Variants in CACFD1 observed in about 807,000 individuals in gnomAD.
CACFD1 encodes the protein calcium channel flower domain containing 1.
Under a neutral mutation model 21.3 loss-of-function variants are expected in CACFD1, and 26 were observed. The ratio of observed to expected loss-of-function variants is 1.22; its 90% CI spans 0.89 to 1.69. CACFD1 has a LOEUF of 1.69. Among genes scored for constraint, CACFD1 ranks in the 40% most tolerant of loss-of-function variants. CACFD1 has a pLI of 0.00. For missense variants in CACFD1, 265 were observed against 236.2 expected (o/e 1.12, Z -0.80); for synonymous variants, 121 against 106.6 (o/e 1.13, Z -0.83).
chr9:133,460,181 G>T lies in CACFD1; in HGVS notation c.115G>T (p.Ala39Ser), dbSNP rs1338961097. ...GTGTCGCCTGTCTGGGGTGCTGGGGGCAGTCTGTGAGTATCCAGTCGGGGA... is the reference window on the plus strand; with the variant it reads ...GTGTCGCCTGTCTGGGGTGCTGGGGTCAGTCTGTGAGTATCCAGTCGGGGA... ...WLCRLSGVLG[A>S]VSCAISGLFN... Residue 39 changes from alanine (A) to serine (S), a missense_variant, in exon 1 of 5, where the codon GCA becomes TCA. Transcript: ENST00000316948. 7 of 1,551,562 alleles carry T rather than the reference G, an allele frequency of 4.5e-6. No homozygotes were observed. The African/African-American group carries it at 5.5e-5, about 12-fold the overall frequency.
rs190826001 is a variant in CACFD1 at position 133,464,461 on chromosome 9, G to A, written c.195-861G>A. Among the ~76,000 whole-genome samples the A allele has an allele frequency of 1.3e-4, 20 of 152,282 alleles. No homozygotes were observed. The East Asian group carries it at 3.9e-3, about 29-fold the overall frequency. On this transcript the variant is annotated intron_variant, in intron 2 of 4. Coordinates refer to ENST00000316948, the MANE Select transcript of CACFD1 (RefSeq NM_017586.5). ...GAGCCCGTGCTTGGAGGCCTGGTGT[G>A]TGGGAGGCTCGGGGCGGGTGCAGTG...
rs1444749887 is a variant in CACFD1, at chr9:133,460,182, C to A, written c.116C>A (p.Ala39Glu). 5.2e-6 allele frequency: 8 copies of A among 1,551,216 alleles called. No individual in the cohort carries two copies. Among genetic ancestry groups the A allele is most frequent in the African/African-American group, 1.4e-5 (1 of 72,592 alleles). The change falls in exon 1 of 5, where the codon GCA (alanine) becomes GAA (glutamate). Residue 39 changes from alanine (A) to glutamate (E), a missense_variant. Physicochemically the swap from Ala to Glu is moderately radical, Grantham distance 107 (BLOSUM62 -1). Coordinates refer to ENST00000316948, the MANE Select transcript of CACFD1 (RefSeq NM_017586.5). ...TGTCGCCTGTCTGGGGTGCTGGGGG[C>A]AGTCTGTGAGTATCCAGTCGGGGAG... The part of the protein sequence containing the change: ...WLCRLSGVLG[A>E]VSCAISGLFN...
At chr9:133,463,405 A>T in intron 1 of CACFD1, 78 bp from the exon 2 acceptor site, 1 of 1,608,056 alleles carries the variant, frequency 6.2e-7, no homozygotes, top group Non-Finnish European at 8.5e-7. Context: ...CGTCCTTTCC[A>T]GTCATCTCCC....
Position 133,465,778 on chromosome 9 carries a change from G to A in CACFD1, c.320+331G>A. 4.1e-6 allele frequency: 1 copy of A among 243,942 alleles called. No individual in the cohort carries two copies. The highest frequency in any genetic ancestry group is 8.0e-6 in the Non-Finnish European group (1 of 125,592). 15.1% of individuals were successfully genotyped at this position (243,942 alleles called of 1,614,324 possible). ...ACTGGGAGTTGTTAACCAGATGATA[G>A]TAGGTCTGTAGGACATGTTTCTCTG... is the stretch of plus-strand genomic sequence containing the variant. On this transcript the variant is annotated intron_variant, in intron 3 of 4. Coordinates refer to ENST00000316948, the MANE Select transcript of CACFD1 (RefSeq NM_017586.5). The surrounding 1 kb of genome is among the most constrained non-coding windows in gnomAD (Gnocchi z 5.0).
rs1298768016 is a variant in CACFD1 at position 133,460,027 on chromosome 9, C to G, written c.-40C>G. On this transcript the variant is annotated 5_prime_UTR_variant, in exon 1 of 5. Transcript: ENST00000316948. ...GGCTCGGACGCGGCCGGCTACCGAGCCCTTTGTGAGGGCTGTGAGCTGCGC... is the reference window on the plus strand; with the variant it reads ...GGCTCGGACGCGGCCGGCTACCGAGGCCTTTGTGAGGGCTGTGAGCTGCGC... 1 of 1,509,208 alleles carries G rather than the reference C, an allele frequency of 6.6e-7. No homozygotes were observed. The highest frequency in any genetic ancestry group is 8.9e-7 in the Non-Finnish European group (1 of 1,129,400). The allele number at this position is 1,509,208 out of a possible 1,614,324, so 93.5% of individuals were successfully genotyped here.
At chr9:133,464,065 C>T (rs908927990) in intron 2 of CACFD1, among the ~76,000 whole-genome samples, 1 of 152,234 alleles carries the variant, frequency 6.6e-6, no homozygotes, top group African/African-American at 2.4e-5. Context: ...GTGGTCAGAA[C>T]ACCCTCATGT....
chr9:133,460,099 C>T lies in CACFD1; in HGVS notation c.33C>T (p.Ser11=), dbSNP rs782102769. 2 of 1,563,302 alleles carry T rather than the reference C, an allele frequency of 1.3e-6. No homozygotes were observed. Among genetic ancestry groups the T allele is most frequent in the East Asian group, 2.4e-5 (1 of 41,566 alleles). The change falls in exon 1 of 5, where the codon TCC becomes TCT. Residue 11 remains serine, a synonymous_variant. Transcript: ENST00000316948. ...GCTCAGGTGGGGCGCCCGGGGCGTC[C>T]GCCAGCTCTGCGCCGCCCGCGCAGG... MSSSGGAPGA[S]ASSAPPAQEE... is the part of the protein sequence containing the mutation.
chr9:133,460,381 C>T (rs952158712), intron 1 of CACFD1, among the ~76,000 whole-genome samples, 194 bp downstream of exon 1: 25 of 142,244 alleles, frequency 1.8e-4, no homozygotes, highest in Middle Eastern at 3.8e-3. Flanking sequence ...GTTACCCGCT[C>T]GGGCCTGGGC....
chr9:133,460,891 C>A (rs1219655623), intron 1 of CACFD1, among the ~76,000 whole-genome samples: 1 of 152,214 alleles, frequency 6.6e-6, no homozygotes, highest in Non-Finnish European at 1.5e-5. Flanking sequence ...GCACGCATCC[C>A]AGTCACAGAC....
rs1564456487 is a variant in CACFD1 at position 133,465,300 on chromosome 9, T to A, written c.195-22T>A. 1 of 1,613,402 alleles carries A rather than the reference T, an allele frequency of 6.2e-7. No homozygotes were observed. Among genetic ancestry groups the A allele is most frequent in the Non-Finnish European group, 8.5e-7 (1 of 1,179,916 alleles). On this transcript the variant is annotated intron_variant, in intron 2 of 4. Coordinates refer to ENST00000316948, the MANE Select transcript of CACFD1 (RefSeq NM_017586.5). The surrounding 1 kb of genome is among the most constrained non-coding windows in gnomAD (Gnocchi z 5.0). ...TCCTGGGATTGTCAGTCGCTGCTCT[T>A]CTCCTGCCCTGGTCCCTGCAGCATG...
At chr9:133,468,163 G>A in intron 4 of CACFD1, 135 bp downstream of exon 4, 1 of 1,016,888 alleles carries the variant, frequency 9.8e-7, no homozygotes, top group African/African-American at 1.6e-5. Flanking sequence ...ACTCATTGGT[G>A]CCTCCAGGGC....
intron 1 of CACFD1, chr9:133,462,260 C>A: frequency 7.7e-7 from 1 of 1,304,168 alleles, no homozygotes; most frequent in Non-Finnish European, 1.0e-6. Context: ...GCCGTGTCAC[C>A]CTTTGGGCAC....
chr9:133,461,314 A>G lies in CACFD1; in HGVS notation c.121+1127A>G, dbSNP rs190719004. Among the ~76,000 whole-genome samples the G allele has an allele frequency of 2.4e-3, 367 of 152,316 alleles. 2 individuals are homozygous for G. The highest frequency in any genetic ancestry group is 7.4e-3 in the African/African-American group (306 of 41,576). ...GGGCTAGGAGTGTGCTGCCCTCGCT[A>G]GGCATGCCCTTATCCAGAGGCAACG... On this transcript the variant is annotated intron_variant, in intron 1 of 4. Coordinates refer to ENST00000316948, the MANE Select transcript of CACFD1 (RefSeq NM_017586.5).
chr9:133,461,044 TTC>T (rs1554798439), intron 1 of CACFD1, among the ~76,000 whole-genome samples: 2 of 152,218 alleles, frequency 1.3e-5, no homozygotes, highest in Non-Finnish European at 2.9e-5. Context: ...GTGATACCCT[TTC>T]CTTTCCTGTC....
At chr9:133,463,305 C>T (rs1367211907) in intron 1 of CACFD1, 178 bp from the exon 2 acceptor site, 1 of 776,924 alleles carries the variant, frequency 1.3e-6, no homozygotes, top group Non-Finnish European at 1.6e-6. Flanking sequence ...AGGCACTGCA[C>T]CTCTCTGCGT....
rs587678430 is a variant in CACFD1 at position 133,465,417 on chromosome 9, G to A, written c.290G>A (p.Arg97His). The A allele has an allele frequency of 2.2e-5, 35 of 1,613,460 alleles. 1 individual carries two copies. Among genetic ancestry groups the A allele is most frequent in the East Asian group, 1.8e-4 (8 of 44,882 alleles). The change falls in exon 3 of 5, where the codon CGC becomes CAC. Residue 97 changes from arginine (R) to histidine (H), a missense_variant. Arg to His is a conservative substitution (Grantham distance 29). Transcript: ENST00000316948. The surrounding 1 kb of genome is among the most constrained non-coding windows in gnomAD (Gnocchi z 5.0). The part of the protein sequence containing the change: ...NTVAEKVDRL[R>H]SWQKAVFYCG... ...GTGGCGGAGAAGGTGGACCGGCTGC[G>A]CTCCTGGCAGAAGGCTGTCTTCTAC...
rs1843421414 is a variant in CACFD1, at chr9:133,465,978, C to G, written c.320+531C>G. The G allele has an allele frequency of 6.5e-6, 1 of 154,318 alleles. No individual in the cohort carries two copies. The highest frequency in any genetic ancestry group is 1.4e-5 in the Non-Finnish European group (1 of 69,272). 9.6% of individuals were successfully genotyped at this position (154,318 alleles called of 1,614,324 possible). ...CTCAGTCATAAGAAGGAACTAATTT[C>G]AGGATAAGCTTAATACACGGAAACT... On this transcript the variant is annotated intron_variant, in intron 3 of 4. Coordinates refer to ENST00000316948, the MANE Select transcript of CACFD1 (RefSeq NM_017586.5). This position sits in a 1 kb window ranked among gnomAD's most constrained non-coding sequence, Gnocchi z 5.0.
At chr9:133,461,226 C>G (rs1031459474) in intron 1 of CACFD1, among the ~76,000 whole-genome samples, 1 of 152,206 alleles carries the variant, frequency 6.6e-6, no homozygotes, top group Non-Finnish European at 1.5e-5. Flanking sequence ...TCAGGGTCAC[C>G]TTGGGTTCCA....
At chr9:133,461,996 A>G in intron 1 of CACFD1, 3 of 985,410 alleles carry the variant, frequency 3.0e-6, no homozygotes, top group Non-Finnish European at 3.6e-6. Flanking sequence ...GGGAGGGGAC[A>G]GGATTGCATG....
Sources: allele counts gnomAD v4.1 joint callset (sites outside exome capture counted in the v4.1 genomes callset), GRCh38; gene constraint gnomAD v4.1.1; non-coding constraint Gnocchi (gnomAD v3.1); transcripts MANE v1.5; gene names NCBI Gene and HGNC (gene_info 2026-07-23, HGNC 2026-07-21).